The following SLC7A7 variants were observed in gnomAD, a reference collection of about 807,000 sequenced individuals.
SLC7A7 encodes solute carrier family 7 member 7.
SLC7A7 carries 39 observed loss-of-function variants against 47.9 expected under a neutral mutation model. The observed-to-expected ratio is 0.81, with a 90% confidence interval of 0.63 to 1.06. SLC7A7 has a LOEUF of 1.06. SLC7A7 is among the 50% of genes least tolerant of loss of function. The probability of loss-of-function intolerance (pLI) is 0.00; values close to 1 mark genes in which losing one functional copy is unlikely to be tolerated. For missense variants in SLC7A7, 588 were observed against 632.0 expected (o/e 0.93, Z 0.75); for synonymous variants, 234 against 242.8 (o/e 0.96, Z 0.34).
intron 2 of SLC7A7, among the ~76,000 whole-genome samples, chr14:22,792,330 A>G (rs2038937921): frequency 6.6e-6 from 1 of 152,174 alleles, no homozygotes; most frequent in Admixed American, 6.5e-5. Context: ...TGGAAGGCCA[A>G]GACGTGAGGA....
upstream of SLC7A7, chr14:22,815,966 C>A: frequency 3.5e-6 from 1 of 288,744 alleles, no homozygotes; most frequent in Non-Finnish European, 7.0e-6. Flanking sequence ...GCACACTTCC[C>A]CATGCAAAGA....
chr14:22,775,833 C>A lies in SLC7A7; in HGVS notation c.998G>T (p.Arg333Met), dbSNP rs386833829. 1 of 1,612,716 alleles carries A rather than the reference C, an allele frequency of 6.2e-7. No individual in the cohort carries two copies. Among genetic ancestry groups the A allele is most frequent in the Non-Finnish European group, 8.5e-7 (1 of 1,178,720 alleles). Residue 333 changes from arginine to methionine, a missense_variant and splice_region_variant, in exon 6 of 10, where the codon AGG becomes ATG. Arg to Met is a moderately conservative substitution (Grantham distance 91). Transcript: ENST00000674313. ...CCCTCACAAAAGTTGCCACTCTTAC[C>A]TAGAAGCAGCCACAATGGAGGCATT... Reference protein sequence around the residue: ...GLNASIVAASRLFFVGSREGH... With the variant: ...GLNASIVAASMLFFVGSREGH...
At position 22,786,021 on chromosome 14, in the gene SLC7A7, C is replaced by CAAAAAA. The variant is rs1233024478; in HGVS notation, c.500-5976_500-5971dup. On this transcript the variant is annotated intron_variant, in intron 2 of 9. Transcript: ENST00000674313. ...TGGGCCACAGAGCGAGACTCTGTCTCAAAAAAAAAAAAAAAAAAGCCAGGT... is the reference window on the plus strand; with the variant it reads ...TGGGCCACAGAGCGAGACTCTGTCTCAAAAAAAAAAAAAAAAAAAAAAAAGCCAGGT... Among the ~76,000 whole-genome samples, 8 of 74,004 alleles carry CAAAAAA rather than the reference C, an allele frequency of 1.1e-4. 2 individuals carry two copies. Among genetic ancestry groups the CAAAAAA allele is most frequent in the Admixed American group, 1.4e-4 (1 of 7,124 alleles). The allele number at this position is 74,004 out of a possible 152,430, so 48.5% of individuals were successfully genotyped here.
intron 3 of SLC7A7, 149 bp from the exon 4 acceptor site, chr14:22,779,086 C>T: frequency 1.1e-6 from 1 of 930,488 alleles, no homozygotes; most frequent in Non-Finnish European, 1.7e-6. Flanking sequence ...AGTAAGGGAA[C>T]AGGAAACAGA....
chr14:22,817,570 A>G (rs926350008), upstream of SLC7A7, among the ~76,000 whole-genome samples: 2 of 152,108 alleles, frequency 1.3e-5, no homozygotes, highest in Non-Finnish European at 2.9e-5. Context: ...TAAACTCCTA[A>G]ACTCAGGCAA....
intron 2 of SLC7A7, among the ~76,000 whole-genome samples, chr14:22,792,622 C>T (rs148043623): frequency 1.3e-5 from 2 of 152,132 alleles, no homozygotes; most frequent in East Asian, 1.9e-4. Context: ...TTTGGGAAGC[C>T]GAAGTGGGCG....
chr14:22,775,550 G>T lies in SLC7A7; in HGVS notation c.999-10C>A. 4 of 1,610,810 alleles carry T rather than the reference G, an allele frequency of 2.5e-6. No individual in the cohort carries two copies. Among genetic ancestry groups the T allele is most frequent in the Non-Finnish European group, 2.5e-6 (3 of 1,176,964 alleles). On this transcript the variant is annotated splice_polypyrimidine_tract_variant and intron_variant, in intron 6 of 9. Transcript: ENST00000674313. ...GCCCACAAAGAAAAGCCTATGTTAG[G>T]TAAGATAGGAGAAGCTGAGAAAATT...
At chr14:22,774,333 G>C (rs200527817) in intron 8 of SLC7A7, 21 bp downstream of exon 8, 4 of 1,613,958 alleles carry the variant, frequency 2.5e-6, no homozygotes, top group African/African-American at 1.3e-5. Context: ...GTGGAGCAGA[G>C]GTAGGATGGA....
intron 2 of SLC7A7, among the ~76,000 whole-genome samples, chr14:22,811,256 C>T (rs1191873050): frequency 6.6e-6 from 1 of 152,150 alleles, no homozygotes; most frequent in Non-Finnish European, 1.5e-5. Flanking sequence ...AGCGGTGAGC[C>T]AATGAGCAAT....
intron 2 of SLC7A7, among the ~76,000 whole-genome samples, chr14:22,808,124 A>G (rs1212676208): frequency 1.3e-5 from 2 of 151,690 alleles, no homozygotes; most frequent in African/African-American, 4.8e-5. Flanking sequence ...AGATCACACC[A>G]CTGCACTCCA....
chr14:22,792,082 G>T (rs988122888), intron 2 of SLC7A7, among the ~76,000 whole-genome samples: 2 of 151,970 alleles, frequency 1.3e-5, no homozygotes, highest in African/African-American at 2.4e-5. Context: ...TGATCCACCC[G>T]CCTTGGCCTC....
rs2038690988 is a variant in SLC7A7 at position 22,780,054 on chromosome 14, G to C, written c.500-3C>G. On this transcript the variant is annotated splice_region_variant and splice_polypyrimidine_tract_variant and intron_variant, in intron 2 of 9. Transcript: ENST00000674313. The stretch of plus-strand genomic sequence containing the variant: ...ACAGTTAATGAAGGTTAAGAGACCT[G>C]AAAGAAAAATAATACTGATTGGTGA... 6.2e-7 allele frequency: 1 copy of C among 1,613,746 alleles called. No homozygotes were observed. Among genetic ancestry groups the C allele is most frequent in the African/African-American group, 1.3e-5 (1 of 74,862 alleles).
At chr14:22,818,579 TTTGG>T (rs761043128), upstream of SLC7A7, among the ~76,000 whole-genome samples, 1 of 131,836 alleles carries the variant, frequency 7.6e-6, no homozygotes, top group African/African-American at 3.5e-5. Flanking sequence ...ACCCCAGGTT[TTTGG>T]TTTTTTTTTT....
chr14:22,786,688 T>G (rs7150667), intron 2 of SLC7A7, among the ~76,000 whole-genome samples: 2 of 152,166 alleles, frequency 1.3e-5, no homozygotes, highest in African/African-American at 2.4e-5. Context: ...AATCCCAGCA[T>G]TTTGGGAGGC....
At chr14:22,818,584 T>TTTG, upstream of SLC7A7, among the ~76,000 whole-genome samples, 1 of 84,204 alleles carries the variant, frequency 1.2e-5, no homozygotes, top group Admixed American at 1.1e-4. Context: ...AGGTTTTTGG[T>TTTG]TTTTTTTTTT....
rs189078076 is a variant in SLC7A7 at position 22,814,757 on chromosome 14, G to A, written c.-43+563C>T. The A allele has an allele frequency of 1.8e-3, 282 of 156,054 alleles. 2 individuals carry two copies. The highest frequency in any genetic ancestry group is 6.2e-3 in the African/African-American group (259 of 41,502). The allele number at this position is 156,054 out of a possible 1,614,324, so 9.7% of individuals were successfully genotyped here. A position where few individuals can be genotyped will look rare whatever the true frequency, so the allele number is the denominator to read the frequency against. On this transcript the variant is annotated intron_variant, in intron 1 of 9. Transcript: ENST00000674313. ...CTGCTCTTTTCCCCAAGGACTCTACGTCTGCCAAAACTAAAGGCTTCAGAA... is the reference window on the plus strand; with the variant it reads ...CTGCTCTTTTCCCCAAGGACTCTACATCTGCCAAAACTAAAGGCTTCAGAA...
At chr14:22,775,198 A>G (rs1164624931) in intron 7 of SLC7A7, among the ~76,000 whole-genome samples, 1 of 151,614 alleles carries the variant, frequency 6.6e-6, no homozygotes, top group African/African-American at 2.4e-5. Context: ...ATGGCAATCA[A>G]TCATTACAGT....
At position 22,806,416 on chromosome 14, in the gene SLC7A7, G is replaced by C. The variant is rs555363643; in HGVS notation, c.499+6484C>G. Among the ~76,000 whole-genome samples, 10 of 151,220 alleles carry C rather than the reference G, an allele frequency of 6.6e-5. No individual in the cohort carries two copies. The East Asian group carries it at 2.0e-3, about 30-fold the overall frequency. On this transcript the variant is annotated intron_variant, in intron 2 of 9. Coordinates refer to ENST00000674313, the MANE Select transcript of SLC7A7 (RefSeq NM_003982.4). ...TTCACCATATCGACCTCTTTTTTTA[G>C]GTAAGCGTGACTCAACTGCTGGGAA...
intron 2 of SLC7A7, among the ~76,000 whole-genome samples, chr14:22,800,764 C>T (rs1385975135): frequency 1.3e-5 from 2 of 152,068 alleles, no homozygotes; most frequent in African/African-American, 4.8e-5. Context: ...CACGGTGAAA[C>T]CCCGTCTCTA....
Sources: gnomAD v4.1 joint callset for allele counts (sites outside exome capture counted in the v4.1 genomes callset) on GRCh38, gnomAD v4.1.1 for gene constraint, MANE v1.5 for transcripts, NCBI Gene and HGNC (gene_info 2026-07-23, HGNC 2026-07-21) for gene names.